The following AK7 variants were observed in gnomAD, a reference collection of about 807,000 sequenced individuals.
AK7 encodes ATP-AMP transphosphorylase 7.
AK7 carries 78 observed loss-of-function variants against 96.6 expected under a neutral mutation model. The ratio of observed to expected loss-of-function variants is 0.81; its 90% CI spans 0.67 to 0.97. The LOEUF is 0.97. Among genes scored for constraint, AK7 ranks in the 50% least tolerant of loss-of-function variants. AK7 has a pLI of 0.00. For synonymous variants in AK7, 302 were observed against 317.2 expected, an observed-to-expected ratio of 0.95 and a Z score of 0.51; for missense variants, 855 against 887.9, an observed-to-expected ratio of 0.96 and a Z score of 0.47.
rs181814619 is a variant in AK7 at position 96,414,252 on chromosome 14, G to A, written c.498+5311G>A. 5.3e-5 allele frequency among the ~76,000 whole-genome samples: 8 copies of A among 152,324 alleles called. No homozygotes were observed. The South Asian group carries it at 1.0e-3, about 20-fold the overall frequency. ...ACTTGCATCAGGCCTGTGGAGGGGA[G>A]AGAAACACAAAAGATTATGCATGGG... On this transcript the variant is annotated intron_variant, in intron 4 of 17. Coordinates refer to ENST00000267584, the MANE Select transcript of AK7 (RefSeq NM_152327.5).
chr14:96,404,248 G>C (rs1356953743), intron 2 of AK7, among the ~76,000 whole-genome samples: 1 of 150,056 alleles, frequency 6.7e-6, no homozygotes. Flanking sequence ...ATCATTAAAA[G>C]TTTCTGTATT....
At chr14:96,441,016 G>A (rs1221158267) in intron 6 of AK7, among the ~76,000 whole-genome samples, 1 of 151,876 alleles carries the variant, frequency 6.6e-6, no homozygotes, top group Non-Finnish European at 1.5e-5. Flanking sequence ...TAAATAAAAG[G>A]TGTGGGTAGA....
chr14:96,461,858 C>A (rs1894268753), intron 12 of AK7, among the ~76,000 whole-genome samples: 1 of 152,170 alleles, frequency 6.6e-6, no homozygotes, highest in Non-Finnish European at 1.5e-5. Flanking sequence ...AGTGCTGGGA[C>A]TACAGGCGTG....
chr14:96,408,768 T>C, intron 3 of AK7, 79 bp from the exon 4 acceptor site: 1 of 1,321,830 alleles, frequency 7.6e-7, no homozygotes, highest in South Asian at 1.3e-5. Flanking sequence ...TGGCTCCTAC[T>C]GGTGACTAAT....
chr14:96,449,747 T>C lies in AK7; in HGVS notation c.871-55T>C, dbSNP rs771822740. On this transcript the variant is annotated intron_variant, in intron 8 of 17. Coordinates refer to ENST00000267584, the MANE Select transcript of AK7 (RefSeq NM_152327.5). ...CTGCGCCTGGCCCATTTGAGTTTTATATAAAGTAAAACCTTCCAGGTAAAC... is the reference window on the plus strand; with the variant it reads ...CTGCGCCTGGCCCATTTGAGTTTTACATAAAGTAAAACCTTCCAGGTAAAC... 384 of 1,397,046 alleles carry C rather than the reference T, an allele frequency of 2.7e-4. 2 individuals carry two copies. The highest frequency in any genetic ancestry group is 3.6e-4 in the Non-Finnish European group (355 of 993,340). The allele number at this position is 1,397,046 out of a possible 1,614,324, so 86.5% of individuals were successfully genotyped here.
At chr14:96,432,753 G>A (rs868822953) in intron 5 of AK7, among the ~76,000 whole-genome samples, 8 of 151,654 alleles carry the variant, frequency 5.3e-5, no homozygotes, top group African/African-American at 1.7e-4. Flanking sequence ...GGGAGCCCAC[G>A]GCAGGCAGAT....
At chr14:96,479,055 C>T (rs1318363720) in intron 15 of AK7, among the ~76,000 whole-genome samples, 1 of 151,846 alleles carries the variant, frequency 6.6e-6, no homozygotes, top group Admixed American at 6.6e-5. Context: ...ACTACAGGCA[C>T]ATGCCACCAG....
intron 10 of AK7, among the ~76,000 whole-genome samples, chr14:96,454,947 C>T (rs1893812778): frequency 6.6e-6 from 1 of 151,634 alleles, no homozygotes; most frequent in Admixed American, 6.6e-5. Flanking sequence ...GGTGGATCAC[C>T]TGAGGTCAGG....
intron 5 of AK7, among the ~76,000 whole-genome samples, chr14:96,425,480 ATTTT>A (rs35861988): frequency 8.4e-6 from 1 of 119,142 alleles, no homozygotes; most frequent in Non-Finnish European, 1.7e-5. Flanking sequence ...AGTCACACTG[ATTTT>A]TTTTTTTTTT....
Position 96,450,768 on chromosome 14 carries a change from CTTTTTTTTTTTTTT to C in AK7, c.949-642_949-629del, listed in dbSNP as rs937558741. On this transcript the variant is annotated intron_variant, in intron 9 of 17. Transcript: ENST00000267584. ...CAAAGGTCAGAGGGAATATTTTTCT[CTTTTTTTTTTTTTT>C]TTTTTTTTTTGAGACGGAGTCTCAC... Among the ~76,000 whole-genome samples the C allele has an allele frequency of 5.3e-3, 491 of 93,216 alleles. 4 individuals carry two copies. The highest frequency in any genetic ancestry group is 0.021 in the African/African-American group (471 of 22,138). The allele number at this position is 93,216 out of a possible 152,430, so 61.2% of individuals were successfully genotyped here.
chr14:96,398,081 TCTAA>T lies in AK7; in HGVS notation c.115_118del (p.Asn39ValfsTer2). ...AATTTCTGTTTCCTTGCAGTTTCTA[TCTAA>T]CTGTGTAGTTGGGGCTTCGCTTGAA... On this transcript the variant is annotated frameshift_variant, in exon 2 of 18. Coordinates refer to ENST00000267584, the MANE Select transcript of AK7 (RefSeq NM_152327.5). LOFTEE classifies it high-confidence loss of function. 6.2e-7 allele frequency: 1 copy of T among 1,613,898 alleles called. No individual in the cohort carries two copies. Among genetic ancestry groups the T allele is most frequent in the Non-Finnish European group, 8.5e-7 (1 of 1,179,978 alleles).
chr14:96,479,639 C>T (rs750895512), intron 15 of AK7, among the ~76,000 whole-genome samples: 21 of 152,304 alleles, frequency 1.4e-4, no homozygotes, highest in Middle Eastern at 6.8e-3. Flanking sequence ...CTCATGATCC[C>T]GCATCACGTC....
chr14:96,488,402 T>C lies in AK7; in HGVS notation c.*59T>C. 1 of 1,475,656 alleles carries C rather than the reference T, an allele frequency of 6.8e-7. No individual in the cohort carries two copies. The highest frequency in any genetic ancestry group is 9.2e-7 in the Non-Finnish European group (1 of 1,087,156). 91.4% of individuals were successfully genotyped at this position (1,475,656 alleles called of 1,614,324 possible). ...GAACCACAGATCACTTATTATACTT[T>C]GAAAAATTGCTTTGAAAAATGCTTT... On this transcript the variant is annotated 3_prime_UTR_variant, in exon 18 of 18. Coordinates refer to ENST00000267584, the MANE Select transcript of AK7 (RefSeq NM_152327.5).
intron 8 of AK7, 107 bp from the exon 9 acceptor site, chr14:96,449,695 A>G: frequency 2.6e-6 from 2 of 771,810 alleles, no homozygotes; most frequent in South Asian, 3.2e-5. Flanking sequence ...TGGCCTCCCA[A>G]AGTGCTGGGA....
Position 96,442,688 on chromosome 14 carries a change from A to C in AK7, c.691-42A>C, listed in dbSNP as rs12431832. 7 of 1,469,858 alleles carry C rather than the reference A, an allele frequency of 4.8e-6. No individual in the cohort carries two copies. The African/African-American group carries it at 8.3e-5, about 18-fold the overall frequency. 91.1% of individuals were successfully genotyped at this position (1,469,858 alleles called of 1,614,324 possible). On this transcript the variant is annotated intron_variant, in intron 6 of 17. Transcript: ENST00000267584. Reference sequence around the variant, plus strand: ...TATGTGTGAGCTGTAATAGCCATCCACATATAACTGGGGGACATGATTTTG... The same window carrying C: ...TATGTGTGAGCTGTAATAGCCATCCCCATATAACTGGGGGACATGATTTTG...
At chr14:96,395,949 T>C (rs923316620) in intron 1 of AK7, among the ~76,000 whole-genome samples, 2 of 151,556 alleles carry the variant, frequency 1.3e-5, no homozygotes, top group Admixed American at 6.6e-5. Flanking sequence ...GTAGCTGGGA[T>C]TACAGGCATG....
chr14:96,413,967 G>C (rs1031648483), intron 4 of AK7, among the ~76,000 whole-genome samples: 6 of 152,182 alleles, frequency 3.9e-5, no homozygotes, highest in African/African-American at 1.4e-4. Context: ...AACTAGCCAT[G>C]ATGGTTCTAT....
chr14:96,411,304 G>A (rs1218567120), intron 4 of AK7, among the ~76,000 whole-genome samples: 1 of 152,202 alleles, frequency 6.6e-6, no homozygotes, highest in Non-Finnish European at 1.5e-5. Flanking sequence ...GAGATCAGGA[G>A]TTTGAGAGCA....
intron 4 of AK7, among the ~76,000 whole-genome samples, chr14:96,419,317 A>T (rs2140035423): frequency 6.6e-6 from 1 of 152,346 alleles, no homozygotes; most frequent in African/African-American, 2.4e-5. Context: ...AAAGAAAAAA[A>T]CAATTTAGGT....
Sources: gnomAD v4.1 joint callset for allele counts (sites outside exome capture counted in the v4.1 genomes callset) on GRCh38, gnomAD v4.1.1 for gene constraint, MANE v1.5 for transcripts, NCBI Gene and HGNC (gene_info 2026-07-23, HGNC 2026-07-21) for gene names.